Variants in SPATA13 observed in about 807,000 individuals in gnomAD.
SPATA13 encodes spermatogenesis associated 13.
Under a neutral mutation model 104.0 loss-of-function variants are expected in SPATA13, and 50 were observed. That is an observed-to-expected ratio of 0.48 (90% CI 0.38 to 0.61). The LOEUF (loss-of-function observed/expected upper bound fraction) is 0.61, where lower values mean the gene tolerates loss of function less well. SPATA13 is among the 20% of genes least tolerant of loss of function. The probability of loss-of-function intolerance (pLI) is 0.00; values close to 1 mark genes in which losing one functional copy is unlikely to be tolerated. For missense variants in SPATA13, 1,524 were observed against 1,690.6 expected, an observed-to-expected ratio of 0.90 and a Z score of 1.73; for synonymous variants, 606 against 667.5, an observed-to-expected ratio of 0.91 and a Z score of 1.42.
intron 11 of SPATA13, 90 bp from the exon 12 acceptor site, chr13:24,300,311 C>T (rs2138776191): frequency 1.0e-6 from 1 of 977,742 alleles, no homozygotes; most frequent in Non-Finnish European, 1.6e-6. Context: ...GTGGTGATAA[C>T]CTCAATGCTG....
intron 3 of SPATA13, among the ~76,000 whole-genome samples, chr13:24,030,185 T>C (rs1329401821): frequency 2.6e-5 from 4 of 152,140 alleles, no homozygotes. Context: ...GACACATCAT[T>C]GTCACCCAGA....
At chr13:24,180,875 A>C (rs1425092780) in intron 1 of SPATA13, among the ~76,000 whole-genome samples, 1 of 152,100 alleles carries the variant, frequency 6.6e-6, no homozygotes, top group Non-Finnish European at 1.5e-5. Flanking sequence ...TTGCTAGGCA[A>C]TTTCATCTCT....
At chr13:24,134,713 T>C (rs1402974937) in intron 3 of SPATA13, among the ~76,000 whole-genome samples, 1 of 152,196 alleles carries the variant, frequency 6.6e-6, no homozygotes, top group African/African-American at 2.4e-5. Flanking sequence ...CCCTCACCAG[T>C]ACCAACATTG....
intron 2 of SPATA13, chr13:24,224,788 C>A: frequency 1.5e-6 from 1 of 659,570 alleles, no homozygotes; most frequent in Non-Finnish European, 2.8e-6. Context: ...AATAAATTGA[C>A]AATGTACGAG....
chr13:24,265,365 G>A (rs1412090956), intron 4 of SPATA13, among the ~76,000 whole-genome samples: 1 of 152,200 alleles, frequency 6.6e-6, no homozygotes, highest in East Asian at 1.9e-4. Context: ...ACTGTGACCT[G>A]TAGATTAATA....
At chr13:24,108,025 G>C (rs1880509946) in intron 3 of SPATA13, among the ~76,000 whole-genome samples, 1 of 152,224 alleles carries the variant, frequency 6.6e-6, no homozygotes, top group South Asian at 2.1e-4. Flanking sequence ...GGGAGACCAA[G>C]ATCAGGGCAC....
rs146082133 is a variant in SPATA13 at position 24,062,746 on chromosome 13, C to T, written c.-112+45045C>T. 4.6e-5 allele frequency among the ~76,000 whole-genome samples: 7 copies of T among 152,026 alleles called. No homozygotes were observed. The East Asian group carries it at 1.2e-3, about 25-fold the overall frequency. On this transcript the variant is annotated intron_variant, in intron 3 of 14. Coordinates refer to the SPATA13 transcript ENST00000424834. ...TGTGTTTGTGTGTGTGTATGTGCAC[C>T]GTGTCTGCATGTGTCCACATGCATT...
intron 2 of SPATA13, among the ~76,000 whole-genome samples, chr13:24,228,227 C>T (rs1170110951): frequency 6.6e-6 from 1 of 151,236 alleles, no homozygotes; most frequent in Non-Finnish European, 1.5e-5. Flanking sequence ...CATTCTCCTG[C>T]CTCAGCCTCC....
chr13:24,268,310 C>T (rs919006897), intron 4 of SPATA13, among the ~76,000 whole-genome samples: 4 of 152,058 alleles, frequency 2.6e-5, no homozygotes, highest in Admixed American at 6.6e-5. Flanking sequence ...AGACTTTACA[C>T]GAGAGAGAGA....
intron 4 of SPATA13, among the ~76,000 whole-genome samples, chr13:24,261,816 GCAGAAT>G (rs1874076080): frequency 6.6e-6 from 1 of 152,092 alleles, no homozygotes; most frequent in African/African-American, 2.4e-5. Context: ...CAGTGCTAGG[GCAGAAT>G]GCCATGGGAG....
chr13:24,008,065 G>C (rs528351857), intron 2 of SPATA13, among the ~76,000 whole-genome samples: 2 of 152,296 alleles, frequency 1.3e-5, no homozygotes, highest in South Asian at 4.1e-4. Context: ...CCACTCATGG[G>C]AGCCGAACCA....
intron 2 of SPATA13, among the ~76,000 whole-genome samples, chr13:24,242,219 C>T (rs1872878075): frequency 6.6e-6 from 1 of 152,008 alleles, no homozygotes; most frequent in Non-Finnish European, 1.5e-5. Flanking sequence ...AGGAAGAGAA[C>T]ATTGGAGAGA....
At chr13:24,274,976 A>G (rs1874868895) in intron 4 of SPATA13, among the ~76,000 whole-genome samples, 1 of 152,122 alleles carries the variant, frequency 6.6e-6, no homozygotes, top group Non-Finnish European at 1.5e-5. Flanking sequence ...CATTTAACAG[A>G]ACACCTCAAC....
chr13:24,044,300 A>G (rs1467789338), intron 3 of SPATA13, among the ~76,000 whole-genome samples: 4 of 142,610 alleles, frequency 2.8e-5, no homozygotes, highest in African/African-American at 1.1e-4. Flanking sequence ...CAGCGCTATC[A>G]TGGCTCACTG....
intron 2 of SPATA13, among the ~76,000 whole-genome samples, chr13:23,984,661 G>T (rs1298972092): frequency 1.3e-5 from 2 of 152,212 alleles, no homozygotes; most frequent in African/African-American, 4.8e-5. Context: ...ACCTGGTGGA[G>T]CTTTTCCAAG....
At chr13:24,020,021 C>T (rs755113611) in intron 3 of SPATA13, among the ~76,000 whole-genome samples, 2 of 152,154 alleles carry the variant, frequency 1.3e-5, no homozygotes, top group East Asian at 1.9e-4. Context: ...ATCTTTATTG[C>T]ACTCATTGTG....
chr13:24,098,711 G>A (rs1199630688), intron 3 of SPATA13, among the ~76,000 whole-genome samples: 1 of 151,962 alleles, frequency 6.6e-6, no homozygotes, highest in African/African-American at 2.4e-5. Context: ...GGTGGATCAC[G>A]AGGTCAAGAG....
chr13:24,240,974 T>G (rs1180796117), intron 2 of SPATA13, among the ~76,000 whole-genome samples: 1 of 148,984 alleles, frequency 6.7e-6, no homozygotes, highest in Admixed American at 6.8e-5. Context: ...TTCTGGGTTA[T>G]GATAGTTGCT....
At chr13:24,072,832 T>G (rs928542944) in intron 3 of SPATA13, among the ~76,000 whole-genome samples, 16 of 149,052 alleles carry the variant, frequency 1.1e-4, no homozygotes, top group Non-Finnish European at 1.3e-4. Flanking sequence ...CTCCTTTTTT[T>G]TTTTTTTTTT....
Sources: allele counts gnomAD v4.1 joint callset (sites outside exome capture counted in the v4.1 genomes callset), GRCh38; gene constraint gnomAD v4.1.1; transcripts MANE v1.5; gene names NCBI Gene and HGNC (gene_info 2026-07-23, HGNC 2026-07-21).